GGT1: variants seen among roughly 807,000 people sequenced by gnomAD.
The protein encoded by GGT1 is gamma-glutamyltransferase 1, also known as glutathione hydrolase 1 proenzyme.
In GGT1, 21 loss-of-function variants were observed where a neutral mutation model predicts 56.0. The ratio of observed to expected loss-of-function variants is 0.38; its 90% CI spans 0.27 to 0.54. GGT1 has a LOEUF of 0.54. Ranked by LOEUF, GGT1 falls within the 20% of genes least tolerant of loss-of-function variation. The pLI, the probability that GGT1 is intolerant of heterozygous loss-of-function variation, is 0.82. For missense variants in GGT1, 466 were observed against 787.0 expected, an observed-to-expected ratio of 0.59 and a Z score of 4.88; for synonymous variants, 238 against 342.6, an observed-to-expected ratio of 0.69 and a Z score of 3.37.
chr22:24,623,988 G>A (rs2047590396), intron 11 of GGT1, 72 bp downstream of exon 11: 15 of 1,594,482 alleles, frequency 9.4e-6, no homozygotes, highest in Non-Finnish European at 1.3e-5. Context: ...TCCCCAGGGT[G>A]GCTACAGCCT....
chr22:24,623,979 C>T (rs1362650714), intron 11 of GGT1, 63 bp downstream of exon 11: 177 of 1,602,254 alleles, frequency 1.1e-4, no homozygotes, highest in Non-Finnish European at 1.5e-4. Flanking sequence ...CAGGTGGGCT[C>T]CCCAGGGTGG....
At chr22:24,588,299 TCTTGTCCGAGGA>T in the GGT1 span, 28 of 1,613,356 alleles carry the variant, frequency 1.7e-5, no homozygotes, top group South Asian at 2.6e-4. Flanking sequence ...TGTCGGCAGA[TCTTGTCCGAGGA>T]CTTCCAGAGC....
chr22:24,586,445 C>G, the GGT1 span: 2 of 1,581,312 alleles, frequency 1.3e-6, no homozygotes, highest in Non-Finnish European at 1.7e-6. Context: ...ATGGACTAGG[C>G]AACCAGGCAG....
the GGT1 span, among the ~76,000 whole-genome samples, chr22:24,585,085 T>C: frequency 6.6e-6 from 1 of 152,130 alleles, no homozygotes; most frequent in East Asian, 1.9e-4. Context: ...ACAAGCACTT[T>C]GTCTCTGGCT....
intron 1 of GGT1, among the ~76,000 whole-genome samples, chr22:24,596,532 C>G (rs1260395503): frequency 6.6e-6 from 1 of 152,106 alleles, no homozygotes; most frequent in Non-Finnish European, 1.5e-5. Flanking sequence ...CCAAGCAGTC[C>G]TCCTGCTTCA....
rs3895575 is a variant in GGT1, at chr22:24,615,611, G to A, written c.382+484G>A. Among the ~76,000 whole-genome samples the A allele has an allele frequency of 1.9e-4, 29 of 152,314 alleles. No individual in the cohort carries two copies. The South Asian group carries it at 3.3e-3, about 17-fold the overall frequency. ...AAATTGAACCCAGGCTGTCTATACC[G>A]TGCCTTTTCAACAGGCATCCCATTC... On this transcript the variant is annotated intron_variant, in intron 7 of 15. Coordinates refer to ENST00000400382, the MANE Select transcript of GGT1 (RefSeq NM_001288833.2).
At chr22:24,624,119 G>A in intron 11 of GGT1, 2 of 985,404 alleles carry the variant, frequency 2.0e-6, no homozygotes, top group South Asian at 4.7e-5. Context: ...GACAGTGTGG[G>A]GAATTAGTGG....
intron 1 of GGT1, among the ~76,000 whole-genome samples, chr22:24,605,805 GTATTATA>G (rs1275608122): frequency 1.6e-5 from 1 of 61,562 alleles, no homozygotes; most frequent in Non-Finnish European, 2.5e-5. Context: ...TATATGATGT[GTATTATA>G]TATTATATAT....
At chr22:24,607,895 C>A in intron 1 of GGT1, 59 bp from the exon 2 acceptor site, 6 of 427,904 alleles carry the variant, frequency 1.4e-5, no homozygotes, top group South Asian at 1.1e-4. Flanking sequence ...GGCGGGGGGC[C>A]CAGCCAGTTC....
Position 24,620,459 on chromosome 22 carries a change from A to G in GGT1, c.514A>G (p.Lys172Glu). 6.2e-7 allele frequency: 1 copy of G among 1,611,816 alleles called. No individual in the cohort carries two copies. The highest frequency in any genetic ancestry group is 1.3e-5 in the African/African-American group (1 of 74,968). The change falls in exon 8 of 16, where the codon AAG (lysine) becomes GAG (glutamate). Residue 172 changes from lysine to glutamate, a missense_variant. This residue lies in a region of GGT1 where 456 missense variants were observed against 716.7 expected (regional missense o/e 0.64). Coordinates refer to ENST00000400382, the MANE Select transcript of GGT1 (RefSeq NM_001288833.2). The surrounding 1 kb of genome is among the most constrained non-coding windows in gnomAD (Gnocchi z 5.6). ...GGCCCGCCAGGGCTTCCCCGTGGGC[A>G]AGGGCTTGGCGGCAGCCCTGGAAAA... Reference protein sequence around the residue: ...QLARQGFPVGKGLAAALENKR... With the variant: ...QLARQGFPVGEGLAAALENKR...
chr22:24,626,165 TGTATTTTTA>T, intron 11 of GGT1, among the ~76,000 whole-genome samples: 1 of 149,052 alleles, frequency 6.7e-6, no homozygotes, highest in East Asian at 2.0e-4. Context: ...GCTAATTTTT[TGTATTTTTA>T]GTAGAGACGG....
chr22:24,606,022 AT>A (rs1168826557), intron 1 of GGT1, among the ~76,000 whole-genome samples: 7 of 48,000 alleles, frequency 1.5e-4, no homozygotes, highest in African/African-American at 6.1e-4. Flanking sequence ...CATATATTAT[AT>A]TTATATAATT....
At chr22:24,624,474 C>T (rs2047625455) in intron 11 of GGT1, 1 of 965,440 alleles carries the variant, frequency 1.0e-6, no homozygotes, top group African/African-American at 1.8e-5. Context: ...GATCTGCAGA[C>T]CCCCCCACAC....
At chr22:24,586,193 AGG>A in the GGT1 span, 7 of 1,613,860 alleles carry the variant, frequency 4.3e-6, no homozygotes, top group Non-Finnish European at 5.9e-6. Context: ...GCCGTTGAGC[AGG>A]AGCTGGGTGA....
chr22:24,623,448 G>A (rs1332209972), intron 10 of GGT1, among the ~76,000 whole-genome samples, 192 bp downstream of exon 10: 1 of 151,756 alleles, frequency 6.6e-6, no homozygotes, highest in Non-Finnish European at 1.5e-5. Context: ...GCTGAAGCGG[G>A]CAATGCTCAA....
intron 12 of GGT1, 24 bp from the exon 13 acceptor site, chr22:24,627,828 C>T (rs2047890669): frequency 1.2e-6 from 2 of 1,606,096 alleles, no homozygotes; most frequent in Admixed American, 1.7e-5. Context: ...AGGTCGGGCA[C>T]TGTCTGACCT....
chr22:24,625,549 T>TG (rs1241809170), intron 11 of GGT1, among the ~76,000 whole-genome samples: 5 of 137,756 alleles, frequency 3.6e-5, no homozygotes, highest in African/African-American at 1.3e-4. Flanking sequence ...TACAGGTGTG[T>TG]TTTTTTTTTT....
At chr22:24,585,971 G>A in the GGT1 span, 6 of 1,609,822 alleles carry the variant, frequency 3.7e-6, no homozygotes, top group Admixed American at 1.7e-5. Context: ...GGCCCCGGCC[G>A]CACTGCCCTC....
At chr22:24,588,026 A>G in the GGT1 span, among the ~76,000 whole-genome samples, 1 of 152,154 alleles carries the variant, frequency 6.6e-6, no homozygotes, top group Admixed American at 6.5e-5. Flanking sequence ...CAGAGGGTGC[A>G]GCTTGGCTTG....
Sources: allele counts gnomAD v4.1 joint callset (sites outside exome capture counted in the v4.1 genomes callset), GRCh38; gene constraint gnomAD v4.1.1; regional missense constraint gnomAD v4.1.1; non-coding constraint Gnocchi (gnomAD v3.1); transcripts MANE v1.5; gene names NCBI Gene and HGNC (gene_info 2026-07-23, HGNC 2026-07-21).